The following RBMS3 variants were observed in gnomAD, a reference collection of about 807,000 sequenced individuals.
RBMS3 encodes the protein RNA binding motif single stranded interacting protein 3, also known as RNA-binding motif, single-stranded-interacting protein 3.
In RBMS3, 27 loss-of-function variants were observed where a neutral mutation model predicts 66.8. That is an observed-to-expected ratio of 0.40 (90% confidence interval 0.30 to 0.56). RBMS3 has a LOEUF of 0.56. RBMS3 is among the 20% of genes least tolerant of loss of function. The probability of loss-of-function intolerance (pLI) is 0.40; values close to 1 mark genes in which losing one functional copy is unlikely to be tolerated. For missense variants in RBMS3, 513 were observed against 549.5 expected (o/e 0.93, Z 0.66); for synonymous variants, 188 against 183.0 (o/e 1.03, Z -0.22).
intron 4 of RBMS3, among the ~76,000 whole-genome samples, chr3:29,713,390 G>C (rs1576593905): frequency 6.6e-6 from 1 of 152,150 alleles, no homozygotes; most frequent in East Asian, 1.9e-4. Flanking sequence ...CAGAGTCAAA[G>C]AGAAAAGTCT....
At chr3:29,315,732 A>C (rs1159002095) in intron 1 of RBMS3, among the ~76,000 whole-genome samples, 4 of 151,734 alleles carry the variant, frequency 2.6e-5, no homozygotes, top group Non-Finnish European at 4.4e-5. Flanking sequence ...TGAACACACT[A>C]GTTGCTATAT....
At chr3:29,826,565 A>T (rs955654290) in intron 6 of RBMS3, among the ~76,000 whole-genome samples, 1 of 152,112 alleles carries the variant, frequency 6.6e-6, no homozygotes, top group African/African-American at 2.4e-5. Flanking sequence ...AAAACAACAT[A>T]ATCTTAATAT....
intron 4 of RBMS3, among the ~76,000 whole-genome samples, chr3:29,683,453 G>A (rs1394280748): frequency 1.3e-5 from 2 of 152,138 alleles, no homozygotes; most frequent in Non-Finnish European, 2.9e-5. Flanking sequence ...TAAAGGGGAG[G>A]AGGGAAGAGA....
At chr3:29,901,325 T>G (rs1265988560) in intron 10 of RBMS3, among the ~76,000 whole-genome samples, 1 of 151,730 alleles carries the variant, frequency 6.6e-6, no homozygotes, top group Admixed American at 6.6e-5. Context: ...ACAACCACCT[T>G]CTAAAAAATG....
At chr3:29,386,520 T>C (rs1308205374) in intron 1 of RBMS3, among the ~76,000 whole-genome samples, 4 of 152,208 alleles carry the variant, frequency 2.6e-5, no homozygotes, top group African/African-American at 9.6e-5. Flanking sequence ...GGGTCCTTCG[T>C]AGCAAAGATC....
chr3:29,748,372 T>A (rs1576687435), intron 5 of RBMS3, among the ~76,000 whole-genome samples: 1 of 152,314 alleles, frequency 6.6e-6, no homozygotes, highest in East Asian at 1.9e-4. Context: ...CAGAGTTTAT[T>A]TGAGCTCAGA....
At chr3:29,392,605 C>T (rs1362681579) in intron 1 of RBMS3, among the ~76,000 whole-genome samples, 1 of 152,048 alleles carries the variant, frequency 6.6e-6, no homozygotes, top group African/African-American at 2.4e-5. Context: ...GCTTTTAAAC[C>T]TTTGCTTAGT....
At chr3:29,285,101 A>G (rs912847857) in intron 1 of RBMS3, among the ~76,000 whole-genome samples, 1 of 150,402 alleles carries the variant, frequency 6.6e-6, no homozygotes, top group Non-Finnish European at 1.5e-5. Flanking sequence ...AAAATACAAA[A>G]TGTTTGATTA....
intron 1 of RBMS3, among the ~76,000 whole-genome samples, chr3:29,381,917 C>G (rs1199354444): frequency 1.3e-5 from 2 of 152,178 alleles, no homozygotes; most frequent in Non-Finnish European, 1.5e-5. Flanking sequence ...AGCATAGGAA[C>G]AGCTTCTATC....
intron 4 of RBMS3, among the ~76,000 whole-genome samples, chr3:29,685,150 C>G (rs1366182393): frequency 6.6e-6 from 1 of 152,124 alleles, no homozygotes; most frequent in East Asian, 1.9e-4. Context: ...GCTCCGCCTC[C>G]CGGGTTCACA....
intron 11 of RBMS3, among the ~76,000 whole-genome samples, chr3:29,943,170 G>A (rs2061431708): frequency 6.6e-6 from 1 of 151,822 alleles, no homozygotes; most frequent in African/African-American, 2.4e-5. Context: ...TAGTCCAAAA[G>A]TTGTCACATG....
intron 2 of RBMS3, among the ~76,000 whole-genome samples, chr3:29,462,554 A>C (rs2042406510): frequency 6.6e-6 from 1 of 152,090 alleles, no homozygotes; most frequent in Non-Finnish European, 1.5e-5. Flanking sequence ...CTGTTTCTTA[A>C]ATATCAGTTC....
chr3:29,956,316 C>T lies in RBMS3; in HGVS notation c.1098+12062C>T, dbSNP rs114219162. ...AAATCTTGTGAGTTTTTCTGATTTT[C>T]ACACTTTATTTTGAAAACTCTCAAA... On this transcript the variant is annotated intron_variant, in intron 12 of 14. Coordinates refer to ENST00000383767, the MANE Select transcript of RBMS3 (RefSeq NM_001003793.3). 9.9e-4 allele frequency among the ~76,000 whole-genome samples: 150 copies of T among 152,172 alleles called. 1 individual carries two copies. The highest frequency in any genetic ancestry group is 3.4e-3 in the African/African-American group (143 of 41,538).
At chr3:29,675,356 A>G (rs2051198966) in intron 4 of RBMS3, among the ~76,000 whole-genome samples, 1 of 152,214 alleles carries the variant, frequency 6.6e-6, no homozygotes, top group Non-Finnish European at 1.5e-5. Flanking sequence ...CATTCAGGAC[A>G]TAGGCATGGG....
intron 6 of RBMS3, among the ~76,000 whole-genome samples, chr3:29,857,360 C>T (rs771047269): frequency 1.3e-5 from 2 of 151,742 alleles, no homozygotes; most frequent in Non-Finnish European, 2.9e-5. Context: ...AAGATTCCTC[C>T]CTATCTACCC....
intron 12 of RBMS3, among the ~76,000 whole-genome samples, chr3:29,969,323 TC>T (rs1171205765): frequency 2.6e-5 from 4 of 152,302 alleles, no homozygotes; most frequent in Non-Finnish European, 5.9e-5. Flanking sequence ...TCATATGATC[TC>T]CCCAACCACA....
intron 1 of RBMS3, among the ~76,000 whole-genome samples, chr3:29,396,011 G>T (rs966255599): frequency 6.6e-6 from 1 of 152,102 alleles, no homozygotes; most frequent in Non-Finnish European, 1.5e-5. Flanking sequence ...TTGCTTTTTA[G>T]TTGCAAGCTG....
intron 4 of RBMS3, among the ~76,000 whole-genome samples, chr3:29,598,226 A>G (rs9819610): frequency 0.15 from 22,379 of 152,066 alleles, 1,917 homozygotes; most frequent in East Asian, 0.32. Flanking sequence ...AGAATGCAGC[A>G]CACAGAAGTC....
intron 1 of RBMS3, among the ~76,000 whole-genome samples, chr3:29,374,871 G>A (rs1341473528): frequency 2.6e-5 from 4 of 152,304 alleles, no homozygotes; most frequent in Admixed American, 6.5e-5. Flanking sequence ...CATGTATTGT[G>A]TCTGTATGAT....
Sources: allele counts gnomAD v4.1 joint callset (sites outside exome capture counted in the v4.1 genomes callset), GRCh38; gene constraint gnomAD v4.1.1; transcripts MANE v1.5; gene names NCBI Gene and HGNC (gene_info 2026-07-23, HGNC 2026-07-21).